TMEM232: variants seen among roughly 807,000 people sequenced by gnomAD.
The protein encoded by TMEM232 is transmembrane protein 232.
TMEM232 carries 80 observed loss-of-function variants against 78.8 expected under a neutral mutation model. That is an observed-to-expected ratio of 1.01 (90% confidence interval 0.85 to 1.22). TMEM232 has a LOEUF of 1.22. Ranked by LOEUF, TMEM232 falls within the 50% of genes most tolerant of loss-of-function variation. The pLI is 0.00. For synonymous variants in TMEM232, 297 were observed against 254.3 expected, an observed-to-expected ratio of 1.17 and a Z score of -1.60; for missense variants, 881 against 742.2, an observed-to-expected ratio of 1.19 and a Z score of -2.17.
chr5:110,432,389 T>C (rs1263994281), intron 12 of TMEM232, among the ~76,000 whole-genome samples: 1 of 151,662 alleles, frequency 6.6e-6, no homozygotes, highest in African/African-American at 2.4e-5. Flanking sequence ...AAACCGAGCT[T>C]CATAAACGAA....
At chr5:110,583,382 A>G (rs1299481078) in intron 10 of TMEM232, among the ~76,000 whole-genome samples, 1 of 152,026 alleles carries the variant, frequency 6.6e-6, no homozygotes, top group Non-Finnish European at 1.5e-5. Context: ...TACCATGAAT[A>G]TATAATGGGA....
intron 11 of TMEM232, among the ~76,000 whole-genome samples, chr5:110,563,673 T>C (rs1348235611): frequency 6.6e-6 from 1 of 151,922 alleles, no homozygotes; most frequent in Non-Finnish European, 1.5e-5. Flanking sequence ...TGCATAAGAC[T>C]AAAGAGGATT....
At chr5:110,520,393 GA>G (rs1181579708) in intron 12 of TMEM232, among the ~76,000 whole-genome samples, 4 of 151,134 alleles carry the variant, frequency 2.6e-5, no homozygotes, top group Non-Finnish European at 4.4e-5. Flanking sequence ...TTAGAACACA[GA>G]AAAAAAAGAA....
intron 11 of TMEM232, among the ~76,000 whole-genome samples, chr5:110,550,505 A>C (rs1487295321): frequency 6.6e-6 from 1 of 152,128 alleles, no homozygotes; most frequent in Non-Finnish European, 1.5e-5. Context: ...CTTTTGAACT[A>C]TAAAAACAAT....
intron 12 of TMEM232, among the ~76,000 whole-genome samples, chr5:110,469,633 A>T (rs1031623017): frequency 1.3e-5 from 2 of 152,104 alleles, no homozygotes; most frequent in African/African-American, 4.8e-5. Flanking sequence ...TTGCTGCTGC[A>T]CCCTGTTCCC....
At chr5:110,534,381 A>G (rs1328146719) in intron 11 of TMEM232, among the ~76,000 whole-genome samples, 3 of 152,336 alleles carry the variant, frequency 2.0e-5, no homozygotes, top group South Asian at 2.1e-4. Flanking sequence ...CACCAAGCTC[A>G]GCTACCAACT....
chr5:110,480,603 C>T (rs533802500), intron 12 of TMEM232, among the ~76,000 whole-genome samples: 88 of 152,116 alleles, frequency 5.8e-4, no homozygotes, highest in Middle Eastern at 3.4e-3. Context: ...TGGTTTCCCA[C>T]CCATTCCTTT....
At chr5:110,609,394 T>C (rs1781904482) in intron 8 of TMEM232, among the ~76,000 whole-genome samples, 1 of 152,096 alleles carries the variant, frequency 6.6e-6, no homozygotes. Context: ...AAAAACTTTT[T>C]TTAAAAATAA....
chr5:110,554,592 C>G (rs72771416), intron 11 of TMEM232, among the ~76,000 whole-genome samples: 11,768 of 152,040 alleles, frequency 0.077, 562 homozygotes, highest in South Asian at 0.2. Flanking sequence ...CAATGTTTAT[C>G]CGGGATATTG....
At chr5:110,524,762 T>C (rs11956083) in intron 12 of TMEM232, among the ~76,000 whole-genome samples, 11,449 of 152,230 alleles carry the variant, frequency 0.075, 839 homozygotes, top group African/African-American at 0.2. Flanking sequence ...TCTTCTATTA[T>C]TTTGTATTGC....
intron 10 of TMEM232, among the ~76,000 whole-genome samples, chr5:110,578,824 A>G (rs1777852017): frequency 6.6e-6 from 1 of 151,924 alleles, no homozygotes; most frequent in African/African-American, 2.4e-5. Context: ...TCCAGAAACT[A>G]GTAGAAGGGC....
intron 12 of TMEM232, among the ~76,000 whole-genome samples, chr5:110,455,899 A>T (rs868392013): frequency 1.1e-4 from 16 of 152,338 alleles, no homozygotes; most frequent in African/African-American, 3.4e-4. Context: ...AAAATTCAAT[A>T]TTCATTCATA....
At chr5:110,479,978 TC>T (rs1168485820) in intron 12 of TMEM232, among the ~76,000 whole-genome samples, 1 of 151,474 alleles carries the variant, frequency 6.6e-6, no homozygotes, top group African/African-American at 2.4e-5. Context: ...TCATTTTTTT[TC>T]CTCCTGTAAA....
At chr5:110,695,042 A>C (rs569308112) in intron 1 of TMEM232, among the ~76,000 whole-genome samples, 4 of 152,306 alleles carry the variant, frequency 2.6e-5, no homozygotes, top group Non-Finnish European at 5.9e-5. Context: ...AATTGAACAC[A>C]TAGTTGGAAG....
intron 5 of TMEM232, among the ~76,000 whole-genome samples, chr5:110,636,564 A>G (rs1233053110): frequency 6.6e-6 from 1 of 152,028 alleles, no homozygotes; most frequent in East Asian, 1.9e-4. Flanking sequence ...AGAAGAAAAA[A>G]TAAGGTAAAA....
chr5:110,626,688 C>T (rs569214497), intron 6 of TMEM232, among the ~76,000 whole-genome samples: 45 of 151,986 alleles, frequency 3.0e-4, no homozygotes, highest in African/African-American at 1.0e-3. Flanking sequence ...TAAATTTTCC[C>T]TCGCTGTTTG....
chr5:110,468,805 T>C (rs762292799), intron 12 of TMEM232, among the ~76,000 whole-genome samples: 34 of 152,272 alleles, frequency 2.2e-4, no homozygotes, highest in Middle Eastern at 3.4e-3. Context: ...TTAGTTCTTG[T>C]AACTACCACA....
chr5:110,663,411 C>A (rs1790074001), intron 2 of TMEM232, among the ~76,000 whole-genome samples: 1 of 151,520 alleles, frequency 6.6e-6, no homozygotes, highest in African/African-American at 2.4e-5. Context: ...ATTCTAACAG[C>A]AACAAACATA....
intron 5 of TMEM232, among the ~76,000 whole-genome samples, chr5:110,630,235 G>T (rs1435802677): frequency 2.0e-5 from 3 of 152,126 alleles, no homozygotes; most frequent in Non-Finnish European, 4.4e-5. Context: ...TACATCTTGG[G>T]ATTCCAGTTG....
Sources: gnomAD v4.1 joint callset for allele counts (sites outside exome capture counted in the v4.1 genomes callset) on GRCh38, gnomAD v4.1.1 for gene constraint, MANE v1.5 for transcripts, NCBI Gene and HGNC (gene_info 2026-07-23, HGNC 2026-07-21) for gene names.